The following RBPJ variants were observed in gnomAD, a reference collection of about 807,000 sequenced individuals.
RBPJ encodes the protein recombining binding protein suppressor of hairless.
Under a neutral mutation model 67.8 loss-of-function variants are expected in RBPJ, and 9 were observed. The observed-to-expected ratio is 0.13, with a 90% CI of 0.08 to 0.23. The LOEUF (loss-of-function observed/expected upper bound fraction) is 0.23. RBPJ is among the 10% of genes least tolerant of loss of function. The probability of loss-of-function intolerance (pLI) is 1.00; values close to 1 mark genes in which losing one functional copy is unlikely to be tolerated. For synonymous variants in RBPJ, 198 were observed against 203.3 expected (o/e 0.97, Z 0.22); for missense variants, 305 against 595.6 (o/e 0.51, Z 5.08).
In RBPJ at chr4:26,329,961, C is replaced by T. The variant is rs1207239074; in HGVS notation, c.20+8913C>T. 2.0e-5 allele frequency among the ~76,000 whole-genome samples: 3 copies of T among 152,124 alleles called. No individual in the cohort carries two copies. In the East Asian group the frequency reaches 5.8e-4, roughly 29 times the overall value. ...GTAGGTGCTCAATAAATAGGTTCTCCTTACCCCTTTTCTGAAGTGTGGAAT... is the reference window on the plus strand; with the variant it reads ...GTAGGTGCTCAATAAATAGGTTCTCTTTACCCCTTTTCTGAAGTGTGGAAT... On this transcript the variant is annotated intron_variant, in intron 1 of 10. Coordinates refer to ENST00000355476, the MANE Select transcript of RBPJ (RefSeq NM_015874.6).
In RBPJ at chr4:26,219,455, T is replaced by C. The variant is rs563947331; in HGVS notation, c.-167+55841T>C. On this transcript the variant is annotated intron_variant, in intron 1 of 4. Coordinates refer to the RBPJ transcript ENST00000512351. The stretch of plus-strand genomic sequence containing the variant: ...ATGGTTAAGCCTCCAGGCACTGGGG[T>C]AGAGGGATAAGAGTTCAAGTTCCAG... Among the ~76,000 whole-genome samples the C allele has an allele frequency of 5.9e-5, 9 of 152,178 alleles. No homozygotes were observed. In the South Asian group the frequency reaches 1.9e-3, roughly 32 times the overall value.
At chr4:26,427,048 G>A (rs1282353082) in intron 7 of RBPJ, among the ~76,000 whole-genome samples, 2 of 152,166 alleles carry the variant, frequency 1.3e-5, no homozygotes, top group African/African-American at 4.8e-5. Context: ...GCATAGCAAT[G>A]CGGCCGTGGA....
chr4:26,178,398 G>C (rs974144017), intron 1 of RBPJ, among the ~76,000 whole-genome samples: 2 of 152,124 alleles, frequency 1.3e-5, no homozygotes, highest in African/African-American at 4.8e-5. Flanking sequence ...CACTTTGGGA[G>C]GCCAAGGTGA....
intron 1 of RBPJ, among the ~76,000 whole-genome samples, chr4:26,255,586 A>T (rs959433280): frequency 6.7e-6 from 1 of 149,554 alleles, no homozygotes; most frequent in African/African-American, 2.5e-5. Context: ...GCGGATCACG[A>T]GGTCGGGAGA....
intron 1 of RBPJ, among the ~76,000 whole-genome samples, chr4:26,369,987 C>A (rs906794697): frequency 1.3e-5 from 2 of 152,066 alleles, no homozygotes; most frequent in African/African-American, 4.8e-5. Context: ...TTTGAGTCAG[C>A]GAACTGGGCA....
rs1470597056 is a variant in RBPJ at position 26,343,172 on chromosome 4, G to GT, written c.20+22130dup. On this transcript the variant is annotated intron_variant, in intron 1 of 10. Transcript: ENST00000355476. ...TTATTGTGAATCCCTAAGGGTGACTGTTTTTTCAGCAGGGCGAGTTAGGAC... is the reference window on the plus strand; with the variant it reads ...TTATTGTGAATCCCTAAGGGTGACTGTTTTTTTCAGCAGGGCGAGTTAGGAC... 3.3e-5 allele frequency: 5 copies of GT among 152,136 alleles called. No individual in the cohort carries two copies. The South Asian group carries it at 1.0e-3, about 32-fold the overall frequency. 9.4% of individuals were successfully genotyped at this position (152,136 alleles called of 1,614,324 possible).
chr4:26,178,288 G>C (rs761507013), intron 1 of RBPJ, among the ~76,000 whole-genome samples: 1 of 152,182 alleles, frequency 6.6e-6, no homozygotes, highest in South Asian at 2.1e-4. Context: ...CTCAGTTATA[G>C]AACAGGGACT....
intron 1 of RBPJ, among the ~76,000 whole-genome samples, chr4:26,234,153 G>A (rs1719378454): frequency 6.6e-6 from 1 of 152,240 alleles, no homozygotes; most frequent in South Asian, 2.1e-4. Flanking sequence ...ATGTTGGATA[G>A]TACAGCTAGA....
At chr4:26,255,175 C>T (rs566242186) in intron 1 of RBPJ, among the ~76,000 whole-genome samples, 82 of 146,044 alleles carry the variant, frequency 5.6e-4, no homozygotes, top group Non-Finnish European at 9.7e-4. Flanking sequence ...GAGGCCAAGG[C>T]GGGTGGATCA....
At chr4:26,113,589 A>G in the RBPJ span, 7 of 411,768 alleles carry the variant, frequency 1.7e-5, no homozygotes, top group Non-Finnish European at 2.4e-5. Flanking sequence ...TGCAAAGCAC[A>G]TGGGAAATCC....
rs143622163 is a variant in RBPJ, at chr4:26,257,358, G to A, written c.-167+93744G>A. Among the ~76,000 whole-genome samples, 590 of 152,346 alleles carry A rather than the reference G, an allele frequency of 3.9e-3. 3 individuals are homozygous for A. Among genetic ancestry groups the A allele is most frequent in the African/African-American group, 0.014 (562 of 41,584 alleles). Reference sequence around the variant, plus strand: ...ATAAACAGGTGGAGTCGCCGGGCACGGCGGCTCATGCCTGTAATCCCAGCA... The same window carrying A: ...ATAAACAGGTGGAGTCGCCGGGCACAGCGGCTCATGCCTGTAATCCCAGCA... On this transcript the variant is annotated intron_variant, in intron 1 of 4. Transcript: ENST00000512351.
At chr4:26,382,181 A>G (rs1730397477) in intron 1 of RBPJ, among the ~76,000 whole-genome samples, 1 of 152,222 alleles carries the variant, frequency 6.6e-6, no homozygotes, top group African/African-American at 2.4e-5. Context: ...TTTTTAAAAT[A>G]GAGTGCAAAT....
At chr4:26,139,868 A>G in the RBPJ span, among the ~76,000 whole-genome samples, 2 of 152,230 alleles carry the variant, frequency 1.3e-5, no homozygotes, top group Non-Finnish European at 2.9e-5. Flanking sequence ...GAAATTTTTA[A>G]GAAGACTCTA....
intron 1 of RBPJ, among the ~76,000 whole-genome samples, chr4:26,255,211 T>C (rs1290455511): frequency 8.5e-5 from 12 of 141,090 alleles, no homozygotes; most frequent in Middle Eastern, 3.6e-3. Flanking sequence ...GGGACCATCC[T>C]GGCTAACACG....
At chr4:26,173,809 G>A (rs534685922) in intron 1 of RBPJ, among the ~76,000 whole-genome samples, 11 of 152,316 alleles carry the variant, frequency 7.2e-5, no homozygotes, top group African/African-American at 2.6e-4. Context: ...ACTAGGTGCT[G>A]AGCATATTAA....
chr4:26,125,143 G>C, the RBPJ span, among the ~76,000 whole-genome samples: 1 of 152,282 alleles, frequency 6.6e-6, no homozygotes, highest in East Asian at 1.9e-4. Context: ...CATCCCTCTT[G>C]CTCACATCCT....
chr4:26,272,891 ACT>A (rs1428282928), intron 1 of RBPJ: 1 of 247,990 alleles, frequency 4.0e-6, no homozygotes, highest in African/African-American at 2.3e-5. Context: ...GAAACAGGGA[ACT>A]CTGCAACTCT....
chr4:26,430,331 CAAAT>C lies in RBPJ; in HGVS notation c.1045-87_1045-84del, dbSNP rs1736092361. On this transcript the variant is annotated intron_variant, in intron 9 of 10. Coordinates refer to ENST00000355476, the MANE Select transcript of RBPJ (RefSeq NM_015874.6). This position sits in a 1 kb window ranked among gnomAD's most constrained non-coding sequence, Gnocchi z 4.1. ...TTTAATTGCCCTTTTTTAAAAAAAA[CAAAT>C]GAAAGTTGAATGAGAATCTAATTTG... is the stretch of plus-strand genomic sequence containing the variant. 5.2e-6 allele frequency: 6 copies of C among 1,159,194 alleles called. No homozygotes were observed. Among genetic ancestry groups the C allele is most frequent in the South Asian group, 2.7e-5 (2 of 75,424 alleles). The allele number at this position is 1,159,194 out of a possible 1,614,324, so 71.8% of individuals were successfully genotyped here. A position where few individuals can be genotyped will look rare whatever the true frequency, so the allele number is the denominator to read the frequency against.
chr4:26,302,698 T>C (rs942474009), intron 1 of RBPJ, among the ~76,000 whole-genome samples: 1 of 152,226 alleles, frequency 6.6e-6, no homozygotes, highest in African/African-American at 2.4e-5. Flanking sequence ...TTCATTTTTC[T>C]GGGCCACAGC....
Sources: allele counts gnomAD v4.1 joint callset (sites outside exome capture counted in the v4.1 genomes callset), GRCh38; gene constraint gnomAD v4.1.1; non-coding constraint Gnocchi (gnomAD v3.1); transcripts MANE v1.5; gene names NCBI Gene and HGNC (gene_info 2026-07-23, HGNC 2026-07-21).